The following QTGAL variants were observed in gnomAD, a reference collection of about 807,000 sequenced individuals.
QTGAL encodes queuosine-tRNA galactosyltransferase.
the QTGAL span, among the ~76,000 whole-genome samples, chr17:82,975,109 C>T: frequency 2.5e-5 from 2 of 80,566 alleles, no homozygotes; most frequent in East Asian, 3.9e-4. Flanking sequence ...GTCAGGGCCC[C>T]GGGACAGAGC....
the QTGAL span, among the ~76,000 whole-genome samples, chr17:83,045,856 C>A: frequency 4.7e-5 from 7 of 148,326 alleles, no homozygotes; most frequent in Non-Finnish European, 7.4e-5. Context: ...GCTCTTGTTG[C>A]CAGGCTGGAG....
At chr17:82,952,472 T>C in the QTGAL span, among the ~76,000 whole-genome samples, 96 of 152,304 alleles carry the variant, frequency 6.3e-4, no homozygotes, top group African/African-American at 2.2e-3. Flanking sequence ...AAAAGGGCAT[T>C]ACCTAATGGT....
the QTGAL span, among the ~76,000 whole-genome samples, chr17:83,039,479 GCCGCCCGCCC>G: frequency 3.6e-4 from 39 of 109,742 alleles, no homozygotes; most frequent in African/African-American, 1.2e-3. Flanking sequence ...CTGGGCGCCC[GCCGCCCGCCC>G]CTGTTCTAGA....
chr17:83,050,690 G>A, the QTGAL span, among the ~76,000 whole-genome samples: 1 of 152,234 alleles, frequency 6.6e-6, no homozygotes, highest in Non-Finnish European at 1.5e-5. Flanking sequence ...AACCCTGAGG[G>A]CCTTTGCTCC....
At chr17:83,049,780 GTGTCCTTTTCTCAT>G in the QTGAL span, among the ~76,000 whole-genome samples, 1 of 152,146 alleles carries the variant, frequency 6.6e-6, no homozygotes, top group African/African-American at 2.4e-5. Context: ...AGTGTAGCTA[GTGTCCTTTTCTCAT>G]TGTCCTTTTC....
chr17:82,961,923 G>A, the QTGAL span, among the ~76,000 whole-genome samples: 11 of 152,268 alleles, frequency 7.2e-5, no homozygotes, highest in East Asian at 1.9e-3. Context: ...CCTCAGCCCA[G>A]GGCTCTGGGC....
chr17:83,033,789 A>C, the QTGAL span, among the ~76,000 whole-genome samples: 1 of 151,980 alleles, frequency 6.6e-6, no homozygotes, highest in South Asian at 2.1e-4. Context: ...CTACATTTTT[A>C]AAAGTGTTAT....
At chr17:82,961,097 ACAG>A in the QTGAL span, 1 of 1,610,482 alleles carries the variant, frequency 6.2e-7, no homozygotes, top group Non-Finnish European at 8.5e-7. Context: ...TGGTGGCGAT[ACAG>A]CAGGAGACTC....
chr17:82,987,929 T>G, the QTGAL span, among the ~76,000 whole-genome samples: 2 of 152,236 alleles, frequency 1.3e-5, no homozygotes, highest in Non-Finnish European at 2.9e-5. Context: ...CATTTGTTTG[T>G]GTCCTCTCTT....
chr17:83,038,786 G>A, the QTGAL span, among the ~76,000 whole-genome samples: 2 of 152,052 alleles, frequency 1.3e-5, no homozygotes, highest in South Asian at 2.1e-4. Flanking sequence ...GAGAACCTGG[G>A]AGGTGGAGCT....
At chr17:82,945,059 A>T in the QTGAL span, 1 of 152,210 alleles carries the variant, frequency 6.6e-6, no homozygotes, top group African/African-American at 2.4e-5. Flanking sequence ...TGCAAATACA[A>T]AACCTCTCTG....
the QTGAL span, among the ~76,000 whole-genome samples, chr17:83,024,719 G>A: frequency 9.9e-5 from 15 of 152,266 alleles, no homozygotes; most frequent in African/African-American, 3.1e-4. Context: ...GCCTGGGTAA[G>A]GGGCCTGAGG....
the QTGAL span, among the ~76,000 whole-genome samples, chr17:83,027,885 G>A: frequency 1.3e-5 from 2 of 151,818 alleles, no homozygotes; most frequent in Non-Finnish European, 2.9e-5. Context: ...AGGTCGAGGC[G>A]AGCAGACCAC....
At chr17:82,945,970 GACA>G in the QTGAL span, 1 of 152,176 alleles carries the variant, frequency 6.6e-6, no homozygotes, top group Admixed American at 6.5e-5. Flanking sequence ...GCTTAAAATG[GACA>G]ACAGCAGCAT....
the QTGAL span, among the ~76,000 whole-genome samples, chr17:83,000,026 G>A: frequency 3.4e-3 from 518 of 152,164 alleles, 3 homozygotes; most frequent in African/African-American, 0.012. Flanking sequence ...GCAGTGGCGC[G>A]ATCTCAGCTC....
the QTGAL span, chr17:83,035,036 G>A: frequency 1.1e-5 from 17 of 1,602,842 alleles, no homozygotes; most frequent in Admixed American, 6.7e-5. Flanking sequence ...GTTACTTACC[G>A]AATCCAAAAA....
chr17:82,950,487 C>T, the QTGAL span, among the ~76,000 whole-genome samples: 3 of 152,184 alleles, frequency 2.0e-5, no homozygotes, highest in South Asian at 4.2e-4. Flanking sequence ...AAACCAGATT[C>T]GTGTAGAATT....
the QTGAL span, among the ~76,000 whole-genome samples, chr17:82,990,497 T>G: frequency 6.6e-6 from 1 of 152,290 alleles, no homozygotes. Flanking sequence ...CATCTGGATT[T>G]TGCACCAAAT....
the QTGAL span, among the ~76,000 whole-genome samples, chr17:82,972,892 C>T: frequency 6.9e-6 from 1 of 145,066 alleles, no homozygotes; most frequent in African/African-American, 2.8e-5. Context: ...CCACACCACA[C>T]CACAGGGGCC....
Sources: allele counts gnomAD v4.1 joint callset (sites outside exome capture counted in the v4.1 genomes callset), GRCh38; gene constraint gnomAD v4.1.1; transcripts MANE v1.5; gene names NCBI Gene and HGNC (gene_info 2026-07-23, HGNC 2026-07-21).